The following NALF1 variants were observed in gnomAD, a reference collection of about 807,000 sequenced individuals.
NALF1 encodes the protein NALCN channel auxiliary factor 1, also known as family with sequence similarity 155 member A.
Under a neutral mutation model 48.4 loss-of-function variants are expected in NALF1, and 3 were observed. The observed-to-expected ratio is 0.06, with a 90% CI of 0.03 to 0.16. The LOEUF is 0.16. NALF1 is among the 10% of genes least tolerant of loss of function. The probability of loss-of-function intolerance (pLI) is 1.00; values close to 1 mark genes in which losing one functional copy is unlikely to be tolerated. For missense variants in NALF1, 526 were observed against 571.5 expected (o/e 0.92, Z 0.81); for synonymous variants, 262 against 245.7 (o/e 1.07, Z -0.62).
At position 107,536,020 on chromosome 13, in the gene NALF1, C is replaced by T. The variant is rs186539226; in HGVS notation, c.916-325265G>A. ...AAATGGTGCTGGGAAAACTGGCTAG[C>T]CATATGTAGAAAGCTGAAACTGGAT... is the stretch of plus-strand genomic sequence containing the variant. On this transcript the variant is annotated intron_variant, in intron 1 of 2. Coordinates refer to ENST00000375915, the MANE Select transcript of NALF1 (RefSeq NM_001080396.3). 2.0e-3 allele frequency among the ~76,000 whole-genome samples: 298 copies of T among 152,172 alleles called. 2 individuals carry two copies. Among genetic ancestry groups the T allele is most frequent in the African/African-American group, 6.9e-3 (286 of 41,504 alleles).
rs7982079 is a variant in NALF1, at chr13:107,415,871, C to T, written c.916-205116G>A. On this transcript the variant is annotated intron_variant, in intron 1 of 2. Transcript: ENST00000375915. ...AATATTGAGAAACTTTACTTGGACACATCAACTCTGAGTTTATATCCGACA... is the reference window on the plus strand; with the variant it reads ...AATATTGAGAAACTTTACTTGGACATATCAACTCTGAGTTTATATCCGACA... 7.3e-3 allele frequency among the ~76,000 whole-genome samples: 1,108 copies of T among 152,290 alleles called. 5 individuals carry two copies. Among genetic ancestry groups the T allele is most frequent in the Non-Finnish European group, 0.011 (733 of 68,018 alleles).
intron 1 of NALF1, among the ~76,000 whole-genome samples, chr13:107,299,437 A>ATAATAAT (rs1881791241): frequency 1.6e-5 from 1 of 64,094 alleles, no homozygotes; most frequent in African/African-American, 4.3e-5. Context: ...CTTTGTCTCA[A>ATAATAAT]TAATAATAAT....
chr13:107,427,329 A>G (rs557740901), intron 1 of NALF1, among the ~76,000 whole-genome samples: 2 of 152,096 alleles, frequency 1.3e-5, no homozygotes, highest in East Asian at 3.9e-4. Context: ...CTCTTACTGT[A>G]TTTCTTCAAA....
At chr13:107,323,908 T>C (rs1882302119) in intron 1 of NALF1, among the ~76,000 whole-genome samples, 1 of 151,910 alleles carries the variant, frequency 6.6e-6, no homozygotes, top group Non-Finnish European at 1.5e-5. Context: ...ACCCCAGGAG[T>C]TGATCAGCCT....
intron 1 of NALF1, among the ~76,000 whole-genome samples, chr13:107,859,731 C>T (rs996900354): frequency 2.6e-5 from 4 of 151,544 alleles, no homozygotes; most frequent in Non-Finnish European, 4.4e-5. Context: ...GGTGAAACAC[C>T]ATCTCTACTA....
chr13:107,468,409 C>T lies in NALF1; in HGVS notation c.916-257654G>A, dbSNP rs538870288. Among the ~76,000 whole-genome samples the T allele has an allele frequency of 3.9e-5, 6 of 152,270 alleles. No individual in the cohort carries two copies. The South Asian group carries it at 1.0e-3, about 26-fold the overall frequency. ...GAGGAAAAATAGACAGCAACACTCACCTGTGTACATGGAAGAATGAAAGGA... is the reference window on the plus strand; with the variant it reads ...GAGGAAAAATAGACAGCAACACTCATCTGTGTACATGGAAGAATGAAAGGA... On this transcript the variant is annotated intron_variant, in intron 1 of 2. Coordinates refer to ENST00000375915, the MANE Select transcript of NALF1 (RefSeq NM_001080396.3).
At chr13:107,682,105 T>C (rs1881319287) in intron 1 of NALF1, among the ~76,000 whole-genome samples, 1 of 152,202 alleles carries the variant, frequency 6.6e-6, no homozygotes, top group South Asian at 2.1e-4. Flanking sequence ...GGTTGAAATA[T>C]GCTGGTCCTA....
At chr13:107,792,265 A>G (rs893679072) in intron 1 of NALF1, among the ~76,000 whole-genome samples, 1 of 152,148 alleles carries the variant, frequency 6.6e-6, no homozygotes, top group Non-Finnish European at 1.5e-5. Flanking sequence ...ATCTTTACAA[A>G]CGTAATTCCA....
chr13:107,721,033 T>C lies in NALF1; in HGVS notation c.915+144649A>G, dbSNP rs1407287276. ...GGCATCGTGGATATCACATGAATGG[T>C]ACATTGGAACCTGAGAACTGAGTTA... On this transcript the variant is annotated intron_variant, in intron 1 of 2. Coordinates refer to ENST00000375915, the MANE Select transcript of NALF1 (RefSeq NM_001080396.3). Among the ~76,000 whole-genome samples, 3 of 151,912 alleles carry C rather than the reference T, an allele frequency of 2.0e-5. No individual in the cohort carries two copies. In the East Asian group the frequency reaches 5.8e-4, roughly 29 times the overall value.
At chr13:107,597,118 T>A (rs1878776675) in intron 1 of NALF1, among the ~76,000 whole-genome samples, 1 of 152,218 alleles carries the variant, frequency 6.6e-6, no homozygotes, top group Non-Finnish European at 1.5e-5. Context: ...GTTTCATACA[T>A]GCCCTCAGAA....
intron 2 of NALF1, among the ~76,000 whole-genome samples, chr13:107,185,503 G>T (rs1045730281): frequency 6.6e-6 from 1 of 150,390 alleles, no homozygotes; most frequent in African/African-American, 2.5e-5. Flanking sequence ...ACTCCAGTTA[G>T]TTCTCTTCCT....
In NALF1 at chr13:107,867,180, TCTC is replaced by T. The variant is rs906816047; in HGVS notation, c.-587_-585del. On this transcript the variant is annotated 5_prime_UTR_variant, in exon 1 of 3. Coordinates refer to ENST00000375915, the MANE Select transcript of NALF1 (RefSeq NM_001080396.3). This position sits in a 1 kb window ranked among gnomAD's most constrained non-coding sequence, Gnocchi z 4.4. ...TCCTCTTCCTCCTCCTTCCTTTCCT[TCTC>T]CTTCTTCTTCTCCTCCGCCTCCCGC... Among the ~76,000 whole-genome samples the T allele has an allele frequency of 2.7e-5, 4 of 150,150 alleles. No homozygotes were observed. Among genetic ancestry groups the T allele is most frequent in the South Asian group, 2.1e-4 (1 of 4,736 alleles).
chr13:107,403,019 G>A (rs182271353), intron 1 of NALF1, among the ~76,000 whole-genome samples: 312 of 151,984 alleles, frequency 2.1e-3, no homozygotes, highest in Non-Finnish European at 3.4e-3. Flanking sequence ...TGTCCTACTG[G>A]AAGTTAGAGC....
chr13:107,723,278 G>A (rs934345555), intron 1 of NALF1, among the ~76,000 whole-genome samples: 1 of 152,042 alleles, frequency 6.6e-6, no homozygotes, highest in African/African-American at 2.4e-5. Context: ...GTGTTGGTGT[G>A]GTCTACACTC....
chr13:107,761,913 T>A (rs143497645), intron 1 of NALF1, among the ~76,000 whole-genome samples: 1 of 152,338 alleles, frequency 6.6e-6, no homozygotes, highest in African/African-American at 2.4e-5. Context: ...GATTAAATGA[T>A]TTAATATAAG....
At chr13:107,518,915 T>A (rs1465417614) in intron 1 of NALF1, among the ~76,000 whole-genome samples, 1 of 152,132 alleles carries the variant, frequency 6.6e-6, no homozygotes, top group African/African-American at 2.4e-5. Flanking sequence ...AAATGCCAAG[T>A]GAACCATGAG....
At chr13:107,647,973 TG>T (rs1880353988) in intron 1 of NALF1, among the ~76,000 whole-genome samples, 3 of 152,256 alleles carry the variant, frequency 2.0e-5, no homozygotes, top group African/African-American at 7.2e-5. Flanking sequence ...AAGAGTAATT[TG>T]TTTCAAAATT....
intron 1 of NALF1, among the ~76,000 whole-genome samples, chr13:107,729,830 C>T (rs966366711): frequency 6.6e-6 from 1 of 152,066 alleles, no homozygotes; most frequent in Non-Finnish European, 1.5e-5. Flanking sequence ...TAAACTAACT[C>T]GGAGGGTGTA....
intron 1 of NALF1, among the ~76,000 whole-genome samples, chr13:107,608,737 A>T (rs542457821): frequency 1.1e-4 from 16 of 152,376 alleles, no homozygotes; most frequent in African/African-American, 3.8e-4. Context: ...CGAAAAAAAT[A>T]GAATTCATCC....
Sources: allele counts gnomAD v4.1 joint callset (sites outside exome capture counted in the v4.1 genomes callset), GRCh38; gene constraint gnomAD v4.1.1; non-coding constraint Gnocchi (gnomAD v3.1); transcripts MANE v1.5; gene names NCBI Gene and HGNC (gene_info 2026-07-23, HGNC 2026-07-21).